Variants in TTN observed in about 807,000 individuals in gnomAD.
TTN encodes the protein titin, also known as connectin.
A neutral mutation model predicts 3,223.0 loss-of-function variants in TTN; 1,525 were observed. That is an observed-to-expected ratio of 0.47 (90% CI 0.45 to 0.49). The LOEUF (loss-of-function observed/expected upper bound fraction) is 0.49, where lower values mean the gene tolerates loss of function less well. Ranked by LOEUF, TTN falls within the 20% of genes least tolerant of loss-of-function variation. The pLI is 0.00. For missense variants in TTN, 40,786 were observed against 43,424.0 expected (o/e 0.94, Z 5.40); for synonymous variants, 14,094 against 15,161.0 (o/e 0.93, Z 5.17).
Position 178,571,334 on chromosome 2 carries a change from A to T in TTN, c.74798T>A (p.Ile24933Asn). 2 of 1,613,370 alleles carry T rather than the reference A, an allele frequency of 1.2e-6. No homozygotes were observed. The highest frequency in any genetic ancestry group is 1.3e-5 in the African/African-American group (1 of 74,968). The change falls in exon 326 of 363, where the codon ATC (isoleucine) becomes AAC (asparagine). Residue 24933 changes from isoleucine to asparagine, a missense_variant. Coordinates refer to ENST00000589042, the MANE Select transcript of TTN (RefSeq NM_001267550.2). ...DSMEVQWNEPISDGGSRVIGY... is the reference protein window; with the variant it reads ...DSMEVQWNEPNSDGGSRVIGY... ...AATGACTCTACTTCCTCCATCACTG[A>T]TTGGCTCATTCCATTGTACTTCCAT...
intron 69 of TTN, 48 bp downstream of exon 69, chr2:178,727,042 G>C: frequency 7.1e-7 from 1 of 1,406,114 alleles, no homozygotes. Context: ...ATACCCAGGG[G>C]AGAAGGTGGT....
intron 239 of TTN, 138 bp from the exon 240 acceptor site, chr2:178,629,581 A>C: frequency 1.6e-6 from 2 of 1,274,142 alleles, no homozygotes; most frequent in Non-Finnish European, 2.2e-6. Context: ...CTCCCACGTG[A>C]ACGTGGCCCC....
chr2:178,715,289 C>T (rs772187860), intron 89 of TTN, 25 bp from the exon 90 acceptor site: 52 of 1,575,650 alleles, frequency 3.3e-5, no homozygotes, highest in East Asian at 4.5e-5. Flanking sequence ...AAGGAAAATA[C>T]GGATGTATTC....
chr2:178,564,694 T>A lies in TTN; in HGVS notation c.81438A>T (p.Lys27146Asn). Reference sequence around the variant, plus strand: ...TGCCAACAATATTTTCAGCAGAAACTTTGAACTCATACTCAAGGCCCTCAT... The same window carrying A: ...TGCCAACAATATTTTCAGCAGAAACATTGAACTCATACTCAAGGCCCTCAT... ...GLDEGLEYEF[K>N]VSAENIVGIG... Residue 27146 changes from lysine (K) to asparagine (N), a missense_variant, in exon 326 of 363, where the codon AAA becomes AAT. By Grantham distance (94) the Lys-to-Asn change is moderately conservative. Transcript: ENST00000589042. 6.2e-7 allele frequency: 1 copy of A among 1,613,418 alleles called. No homozygotes were observed. The highest frequency in any genetic ancestry group is 8.5e-7 in the Non-Finnish European group (1 of 1,179,640).
In TTN at chr2:178,621,501, C is replaced by G. The variant is rs781435431; in HGVS notation, c.45323G>C (p.Arg15108Pro). ...ATGTACTTTGACTTTGCCATCGGTT[C>G]GAGAGCTTGGGAGTCGACAGTTGTA... ...GNYNCRLPSS[R>P]TDGKVKVHEL... The change falls in exon 245 of 363, where the codon CGA (arginine) becomes CCA (proline). Residue 15108 changes from arginine (R) to proline (P), a missense_variant. Physicochemically the swap from Arg to Pro is moderately radical, Grantham distance 103. Coordinates refer to ENST00000589042, the MANE Select transcript of TTN (RefSeq NM_001267550.2). 36 of 1,612,342 alleles carry G rather than the reference C, an allele frequency of 2.2e-5. No individual in the cohort carries two copies. Among genetic ancestry groups the G allele is most frequent in the Non-Finnish European group, 3.1e-5 (36 of 1,179,072 alleles).
Position 178,636,758 on chromosome 2 carries a change from T to C in TTN, c.40969A>G (p.Arg13657Gly). ...CCACCACTTCCTGGCCTTAACTTTC[T>C]CCTTTCGGCTTCTATTGGTGAAGGA... ...KTPSPIEAER[R>G]KLRPGSGGEK... Residue 13657 changes from arginine to glycine, a missense_variant, in exon 225 of 363, where the codon AGA (arginine) becomes GGA (glycine). Physicochemically the swap from Arg to Gly is moderately radical, Grantham distance 125. Transcript: ENST00000589042. This position sits in a 1 kb window ranked among gnomAD's most constrained non-coding sequence, Gnocchi z 4.3. The C allele has an allele frequency of 2.5e-6, 4 of 1,607,366 alleles. No homozygotes were observed. Among genetic ancestry groups the C allele is most frequent in the Non-Finnish European group, 3.4e-6 (4 of 1,175,694 alleles).
rs756012779 is a variant in TTN at position 178,722,247 on chromosome 2, G to A, written c.22528+12C>T. ...ACAGTTTGCAAAGAAAAAGAGTGAC[G>A]TGTGAACAAACCTCTTGCTGTGAGT... is the stretch of plus-strand genomic sequence containing the variant. On this transcript the variant is annotated intron_variant, in intron 77 of 362. Coordinates refer to ENST00000589042, the MANE Select transcript of TTN (RefSeq NM_001267550.2). 2.1e-5 allele frequency: 33 copies of A among 1,556,076 alleles called. No homozygotes were observed. Among genetic ancestry groups the A allele is most frequent in the South Asian group, 1.3e-4 (10 of 78,908 alleles).
At position 178,647,732 on chromosome 2, in the gene TTN, T is replaced by G. The variant is rs576354667; in HGVS notation, c.40058-268A>C. On this transcript the variant is annotated intron_variant, in intron 213 of 362. Coordinates refer to ENST00000589042, the MANE Select transcript of TTN (RefSeq NM_001267550.2). ...AATTTGCTCTACATTTTCTGAGTAA[T>G]TGTTCCTGCACACTCAATTCTTATT... 7.9e-5 allele frequency among the ~76,000 whole-genome samples: 12 copies of G among 152,278 alleles called. No homozygotes were observed. The South Asian group carries it at 2.5e-3, about 32-fold the overall frequency.
intron 242 of TTN, among the ~76,000 whole-genome samples, chr2:178,623,859 A>G (rs911495568): frequency 6.6e-6 from 1 of 151,992 alleles, no homozygotes; most frequent in Non-Finnish European, 1.5e-5. Flanking sequence ...AGGAAGAAGT[A>G]ATGTTAAAAA....
rs1219629332 is a variant in TTN, at chr2:178,551,086, G to T, written c.91445C>A (p.Thr30482Lys). 1 of 1,613,238 alleles carries T rather than the reference G, an allele frequency of 6.2e-7. No individual in the cohort carries two copies. The highest frequency in any genetic ancestry group is 2.2e-5 in the East Asian group (1 of 44,774). Residue 30482 changes from threonine (T) to lysine (K), a missense_variant, in exon 336 of 363, where the codon ACA becomes AAA. Thr to Lys is a moderately conservative substitution (Grantham distance 78). Coordinates refer to ENST00000589042, the MANE Select transcript of TTN (RefSeq NM_001267550.2). ...ATCCCCAGGACTGAGTCCTGTAACT[G>T]TGTACTGACATTCACTGACGTCAGT... ...NFTDVSECQY[T>K]VTGLSPGDRY...
chr2:178,627,577 C>T (rs2154217787), intron 240 of TTN, among the ~76,000 whole-genome samples: 1 of 151,934 alleles, frequency 6.6e-6, no homozygotes, highest in East Asian at 1.9e-4. Flanking sequence ...GATTAAAATT[C>T]CTATGCCAAA....
In TTN at chr2:178,627,438, C is replaced by T. The variant is rs1456263942; in HGVS notation, c.44424+1863G>A. Reference sequence around the variant, plus strand: ...CTGACAGACTTAATTTAAACAAAATCTGCCACATGTAACAAAATGATTTTA... The same window carrying T: ...CTGACAGACTTAATTTAAACAAAATTTGCCACATGTAACAAAATGATTTTA... On this transcript the variant is annotated intron_variant, in intron 240 of 362. Transcript: ENST00000589042. Among the ~76,000 whole-genome samples, 3 of 152,096 alleles carry T rather than the reference C, an allele frequency of 2.0e-5. No homozygotes were observed. The East Asian group carries it at 5.8e-4, about 30-fold the overall frequency.
Position 178,770,632 on chromosome 2 carries a change from TTC to T in TTN, c.8158_8159del (p.Glu2720AsnfsTer14). 1 of 1,614,006 alleles carries T rather than the reference TTC, an allele frequency of 6.2e-7. No homozygotes were observed. The highest frequency in any genetic ancestry group is 8.5e-7 in the Non-Finnish European group (1 of 1,180,008). ...CGACAGTGAAAACAGCATCCTGTGT[TTC>T]TGTCACTGTGAGGTTCTTCAGAGTC... The part of the protein sequence containing the change: ...KKTLKNLTVT[E>X]TQDAVFTVEL... On this transcript the variant is annotated frameshift_variant, in exon 35 of 363. Transcript: ENST00000589042. LOFTEE classifies it high-confidence loss of function.
rs749668988 is a variant in TTN at position 178,583,075 on chromosome 2, T to G, written c.65728A>C (p.Ile21910Leu). 6.2e-7 allele frequency: 1 copy of G among 1,611,492 alleles called. No homozygotes were observed. The highest frequency in any genetic ancestry group is 8.5e-7 in the Non-Finnish European group (1 of 1,178,586). The stretch of plus-strand genomic sequence containing the variant: ...AGATTCCGCTGCATGGCCATCTTTA[T>G]GCCTTCTGCTGGTTTTAGCAGTGTG... ...DGTLLKPAEG[I>L]KMAMQRNLCT... is the part of the protein sequence containing the mutation. Residue 21910 changes from isoleucine to leucine, a missense_variant, in exon 313 of 363, where the codon ATA (isoleucine) becomes CTA (leucine). Ile to Leu is a conservative substitution (Grantham distance 5). Coordinates refer to ENST00000589042, the MANE Select transcript of TTN (RefSeq NM_001267550.2).
Position 178,586,641 on chromosome 2 carries a change from C to A in TTN, c.64260G>T (p.Val21420=). Residue 21420 remains valine (V), a synonymous_variant, in exon 308 of 363, where the codon GTG becomes GTT. Coordinates refer to ENST00000589042, the MANE Select transcript of TTN (RefSeq NM_001267550.2). ...QPADRWTEYS[V]VKDLSLVVTG... ...TGACAACAAGGCTCAGATCTTTTAC[C>A]ACTGAGTACTCTGTCCAGCGATCTG... 1 of 1,613,076 alleles carries A rather than the reference C, an allele frequency of 6.2e-7. No individual in the cohort carries two copies. The highest frequency in any genetic ancestry group is 8.5e-7 in the Non-Finnish European group (1 of 1,179,380).
intron 141 of TTN, 45 bp downstream of exon 141, chr2:178,679,554 G>C (rs745733267): frequency 6.3e-7 from 1 of 1,591,446 alleles, no homozygotes; most frequent in Non-Finnish European, 8.5e-7. Context: ...ACTATTTCTA[G>C]GCAGATGAAG....
In TTN at chr2:178,528,361, C is replaced by A. The variant is rs879048717; in HGVS notation, c.107290G>T (p.Ala35764Ser). ...RNVYSLEIRN[A>S]SVSDSGKYTI... is the part of the protein sequence containing the mutation. ...TACTTTCCACTGTCGCTGACTGATG[C>A]ATTTCGGATTTCAAGGGAGTATACA... The change falls in exon 361 of 363, where the codon GCA (alanine) becomes TCA (serine). Residue 35764 changes from alanine to serine, a missense_variant. By Grantham distance (99) the Ala-to-Ser change is moderately conservative. Transcript: ENST00000589042. 25 of 1,613,918 alleles carry A rather than the reference C, an allele frequency of 1.5e-5. No individual in the cohort carries two copies. The highest frequency in any genetic ancestry group is 2.1e-5 in the Non-Finnish European group (25 of 1,179,848).
rs902462795 is a variant in TTN, at chr2:178,526,954, G to A, written c.*58C>T. ...ATTTACAGTTCAGAAAGATTAGTCCGTGTGAAACGTTTGCGAAAAGTTAAG... is the reference window on the plus strand; with the variant it reads ...ATTTACAGTTCAGAAAGATTAGTCCATGTGAAACGTTTGCGAAAAGTTAAG... On this transcript the variant is annotated 3_prime_UTR_variant, in exon 363 of 363. Coordinates refer to ENST00000589042, the MANE Select transcript of TTN (RefSeq NM_001267550.2). The A allele has an allele frequency of 1.6e-5, 23 of 1,421,100 alleles. No individual in the cohort carries two copies. The highest frequency in any genetic ancestry group is 1.9e-4 in the Middle Eastern group (1 of 5,242). The allele number at this position is 1,421,100 out of a possible 1,614,324, so 88.0% of individuals were successfully genotyped here.
intron 111 of TTN, among the ~76,000 whole-genome samples, chr2:178,700,330 G>A (rs943820019): frequency 9.8e-5 from 15 of 152,306 alleles, no homozygotes; most frequent in African/African-American, 2.9e-4. Context: ...TAGGTCAAGC[G>A]TTTAATGCCA....
Sources: gnomAD v4.1 joint callset for allele counts (sites outside exome capture counted in the v4.1 genomes callset) on GRCh38, gnomAD v4.1.1 for gene constraint, Gnocchi (gnomAD v3.1) non-coding constraint, MANE v1.5 for transcripts, NCBI Gene and HGNC (gene_info 2026-07-23, HGNC 2026-07-21) for gene names.